Variants in RALGPS1 observed in about 807,000 individuals in gnomAD.
The protein encoded by RALGPS1 is Ral GEF with PH domain and SH3 binding motif 1.
A neutral mutation model predicts 78.8 loss-of-function variants in RALGPS1; 19 were observed. That is an observed-to-expected ratio of 0.24 (90% confidence interval 0.17 to 0.35). The LOEUF (loss-of-function observed/expected upper bound fraction) is 0.35, where lower values mean the gene tolerates loss of function less well. Among genes scored for constraint, RALGPS1 ranks in the 10% least tolerant of loss-of-function variants. The pLI is 1.00. For synonymous variants in RALGPS1, 228 were observed against 256.3 expected (o/e 0.89, Z 1.06); for missense variants, 454 against 688.3 (o/e 0.66, Z 3.81).
intron 1 of RALGPS1, among the ~76,000 whole-genome samples, chr9:126,945,680 G>A (rs914058416): frequency 6.6e-6 from 1 of 152,130 alleles, no homozygotes; most frequent in African/African-American, 2.4e-5. Flanking sequence ...TGTGCATCGG[G>A]CCTTCCCTGA....
chr9:127,001,279 T>C (rs2043283887), intron 4 of RALGPS1, among the ~76,000 whole-genome samples: 1 of 149,796 alleles, frequency 6.7e-6, no homozygotes, highest in South Asian at 2.1e-4. Flanking sequence ...AGAGCAAGAC[T>C]CTGTCTCAAA....
intron 3 of RALGPS1, among the ~76,000 whole-genome samples, chr9:126,976,288 A>C (rs916448674): frequency 3.3e-5 from 5 of 149,590 alleles, no homozygotes; most frequent in Admixed American, 6.7e-5. Flanking sequence ...ACACACACAC[A>C]CCCCCTTACA....
intron 8 of RALGPS1, among the ~76,000 whole-genome samples, chr9:127,089,346 C>G (rs2052167127): frequency 6.6e-6 from 1 of 152,182 alleles, no homozygotes; most frequent in Non-Finnish European, 1.5e-5. Context: ...TGTGTGATCT[C>G]AGACAAGTGA....
intron 13 of RALGPS1, 80 bp downstream of exon 13, chr9:127,196,711 GT>G: frequency 1.4e-6 from 2 of 1,454,862 alleles, no homozygotes; most frequent in Non-Finnish European, 1.8e-6. Flanking sequence ...CTGTGTCACT[GT>G]GCCATGCCCA....
At chr9:126,962,998 C>G (rs754053617) in intron 2 of RALGPS1, among the ~76,000 whole-genome samples, 22 of 152,188 alleles carry the variant, frequency 1.4e-4, no homozygotes, top group Non-Finnish European at 3.2e-4. Context: ...CCTGGGTAAC[C>G]TGCCAAAAAG....
intron 1 of RALGPS1, among the ~76,000 whole-genome samples, chr9:126,931,729 A>G (rs2035805694): frequency 6.6e-6 from 1 of 152,236 alleles, no homozygotes; most frequent in East Asian, 1.9e-4. Context: ...TGAATATGCT[A>G]AAAATCACTG....
chr9:127,093,976 C>T (rs781486234), intron 8 of RALGPS1: 10 of 1,578,728 alleles, frequency 6.3e-6, no homozygotes, highest in South Asian at 3.4e-5. Flanking sequence ...GTCACCAGGC[C>T]GCACCCCCAG....
rs145272185 is a variant in RALGPS1, at chr9:126,952,123, C to T, written c.-65-10102C>T. ...CCAACTTACAAGGGACGTGAAGGAC[C>T]TCTTCAGTCTCCCAAGTTCTATCGC... On this transcript the variant is annotated intron_variant, in intron 1 of 18. Transcript: ENST00000259351. 2.8e-3 allele frequency among the ~76,000 whole-genome samples: 425 copies of T among 152,312 alleles called. 4 individuals are homozygous for T. The highest frequency in any genetic ancestry group is 5.2e-3 in the Non-Finnish European group (357 of 68,026).
At chr9:127,000,846 G>A (rs72764347) in intron 4 of RALGPS1, among the ~76,000 whole-genome samples, 26,352 of 151,212 alleles carry the variant, frequency 0.17, 3,032 homozygotes, top group East Asian at 0.44. Context: ...GAGCCACCGC[G>A]CCCGGCCTCT....
At chr9:126,996,473 C>G (rs1196299944) in intron 4 of RALGPS1, among the ~76,000 whole-genome samples, 1 of 151,772 alleles carries the variant, frequency 6.6e-6, no homozygotes, top group Non-Finnish European at 1.5e-5. Context: ...CCTCCCAAGA[C>G]TAAACCAGGA....
chr9:127,110,177 A>C (rs1282742359), intron 8 of RALGPS1, among the ~76,000 whole-genome samples: 1 of 152,044 alleles, frequency 6.6e-6, no homozygotes, highest in Non-Finnish European at 1.5e-5. Flanking sequence ...TCTTGAGCCC[A>C]CCCTCATCAG....
intron 4 of RALGPS1, among the ~76,000 whole-genome samples, chr9:126,994,932 G>A (rs1029603491): frequency 1.2e-4 from 18 of 152,126 alleles, no homozygotes; most frequent in Non-Finnish European, 2.1e-4. Flanking sequence ...GCCAAACTAA[G>A]CTTCATAAGT....
intron 8 of RALGPS1, among the ~76,000 whole-genome samples, chr9:127,090,118 A>G (rs2052288879): frequency 6.6e-6 from 1 of 152,164 alleles, no homozygotes; most frequent in Non-Finnish European, 1.5e-5. Context: ...GGCCACAGGG[A>G]CCAAGTGGCA....
chr9:127,149,456 T>C (rs1461044123), intron 8 of RALGPS1, among the ~76,000 whole-genome samples: 8 of 152,234 alleles, frequency 5.3e-5, no homozygotes, highest in Admixed American at 5.2e-4. Context: ...TCAGTGAGGT[T>C]TGATGGGCTA....
At chr9:127,100,543 G>C (rs751811367) in intron 8 of RALGPS1, among the ~76,000 whole-genome samples, 1 of 152,246 alleles carries the variant, frequency 6.6e-6, no homozygotes, top group Non-Finnish European at 1.5e-5. Context: ...ACTGTGTACA[G>C]AGGTGAGCAG....
At chr9:127,110,023 T>C (rs745861051) in intron 8 of RALGPS1, among the ~76,000 whole-genome samples, 1 of 151,998 alleles carries the variant, frequency 6.6e-6, no homozygotes, top group Non-Finnish European at 1.5e-5. Flanking sequence ...AATCATACGG[T>C]TTTTTCTCTC....
intron 4 of RALGPS1, among the ~76,000 whole-genome samples, chr9:127,021,200 C>T (rs1430461307): frequency 6.6e-6 from 1 of 151,978 alleles, no homozygotes; most frequent in Non-Finnish European, 1.5e-5. Flanking sequence ...CCAGCCTAAG[C>T]AATGTAATAA....
chr9:127,213,421 G>A (rs1050139933), intron 17 of RALGPS1, among the ~76,000 whole-genome samples: 1 of 152,238 alleles, frequency 6.6e-6, no homozygotes, highest in Non-Finnish European at 1.5e-5. Flanking sequence ...TCACATGCCT[G>A]TGCCATAAGA....
chr9:126,958,158 T>TATATATATATATATATATAC (rs1345241110), intron 1 of RALGPS1, among the ~76,000 whole-genome samples: 10 of 121,124 alleles, frequency 8.3e-5, no homozygotes, highest in Non-Finnish European at 1.0e-4. Context: ...TATATATATA[T>TATATATATATATATATATAC]ACACACACAC....
Sources: allele counts gnomAD v4.1 joint callset (sites outside exome capture counted in the v4.1 genomes callset), GRCh38; gene constraint gnomAD v4.1.1; transcripts MANE v1.5; gene names NCBI Gene and HGNC (gene_info 2026-07-23, HGNC 2026-07-21).